Variants in HERC2 observed in about 807,000 individuals in gnomAD.
HERC2 encodes E3 ubiquitin-protein ligase HERC2.
Under a neutral mutation model 537.7 loss-of-function variants are expected in HERC2, and 102 were observed. The ratio of observed to expected loss-of-function variants is 0.19; its 90% CI spans 0.16 to 0.22. HERC2 has a LOEUF of 0.22. Among genes scored for constraint, HERC2 ranks in the 10% least tolerant of loss-of-function variants. The pLI is 1.00. For synonymous variants in HERC2, 2,224 were observed against 2,466.2 expected (o/e 0.90, Z 2.91); for missense variants, 4,236 against 6,198.2 (o/e 0.68, Z 10.63).
At chr15:28,226,782 A>T (rs1475239551) in intron 35 of HERC2, among the ~76,000 whole-genome samples, 4 of 152,250 alleles carry the variant, frequency 2.6e-5, no homozygotes, top group Non-Finnish European at 4.4e-5. Context: ...CTTCTCTATC[A>T]AAGGAAATAC....
Position 28,182,471 on chromosome 15 carries a change from G to A in HERC2, c.8867C>T (p.Thr2956Met), listed in dbSNP as rs200987196. 4.6e-5 allele frequency: 75 copies of A among 1,613,552 alleles called. No individual in the cohort carries two copies. The highest frequency in any genetic ancestry group is 4.6e-4 in the South Asian group (42 of 91,048). The change falls in exon 57 of 93, where the codon ACG becomes ATG. Residue 2956 changes from threonine (T) to methionine (M), a missense_variant. Around this residue, in one of 27 missense-constraint regions of HERC2, gnomAD observed 606 missense variants for 884.5 expected, o/e 0.69. Transcript: ENST00000261609. ...CCACACAAACACCTTGGTTCTTATC[G>A]TAGCTGCTGATTCCAGCCCAGCAGC... ...KKAAGLESAA[T>M]IRTKVFVWGL...
chr15:28,113,834 G>C lies in HERC2; in HGVS notation c.13914-156C>G. 1.5e-6 allele frequency: 1 copy of C among 653,166 alleles called. No individual in the cohort carries two copies. The highest frequency in any genetic ancestry group is 2.2e-5 in the Admixed American group (1 of 45,288). The allele number at this position is 653,166 out of a possible 1,614,324, so 40.5% of individuals were successfully genotyped here. A position where few individuals can be genotyped will look rare whatever the true frequency, so the allele number is the denominator to read the frequency against. The stretch of plus-strand genomic sequence containing the variant: ...ATGGCATGAGCATGCTTAGCAGCTC[G>C]GCACTGCAGAGCTTCTCCTGACACT... On this transcript the variant is annotated intron_variant, in intron 90 of 92. Coordinates refer to ENST00000261609, the MANE Select transcript of HERC2 (RefSeq NM_004667.6). This position sits in a 1 kb window ranked among gnomAD's most constrained non-coding sequence, Gnocchi z 7.0.
At chr15:28,285,288 T>C (rs1368849308) in intron 4 of HERC2, among the ~76,000 whole-genome samples, 5 of 152,132 alleles carry the variant, frequency 3.3e-5, no homozygotes, top group African/African-American at 1.2e-4. Flanking sequence ...TTAGAACATA[T>C]TCTGAGGCAT....
chr15:28,155,706 G>A (rs1191937998), intron 69 of HERC2, among the ~76,000 whole-genome samples: 3 of 152,054 alleles, frequency 2.0e-5, no homozygotes, highest in Admixed American at 6.6e-5. Context: ...CTCCCATTCT[G>A]TAGGTTGCCT....
intron 50 of HERC2, 100 bp from the exon 51 acceptor site, chr15:28,196,669 T>A (rs1414532895): frequency 1.5e-6 from 1 of 668,698 alleles, no homozygotes; most frequent in Non-Finnish European, 2.6e-6. Flanking sequence ...TTGTAGTTAT[T>A]TGTTTTTTAC....
chr15:28,300,921 T>C, intron 2 of HERC2, among the ~76,000 whole-genome samples: 1 of 138,662 alleles, frequency 7.2e-6, no homozygotes, highest in Non-Finnish European at 1.6e-5. Flanking sequence ...AAATTGGAAA[T>C]CTATGAACTT....
rs546146152 is a variant in HERC2 at position 28,313,421 on chromosome 15, C to T, written c.72+7941G>A. On this transcript the variant is annotated intron_variant, in intron 2 of 92. Coordinates refer to ENST00000261609, the MANE Select transcript of HERC2 (RefSeq NM_004667.6). ...GTCTCGACCTCCTGACCTTGTGATC[C>T]ACCCGCCTCGGCCTGGGATTACAGG... Among the ~76,000 whole-genome samples the T allele has an allele frequency of 2.3e-3, 343 of 152,290 alleles. 2 individuals carry two copies. The highest frequency in any genetic ancestry group is 0.01 in the Middle Eastern group (3 of 294).
At chr15:28,269,529 G>T in intron 10 of HERC2, 93 bp from the exon 11 acceptor site, 1 of 998,442 alleles carries the variant, frequency 1.0e-6, no homozygotes, top group Non-Finnish European at 1.5e-6. Flanking sequence ...TAAAAACAAA[G>T]CAAATAAAGA....
chr15:28,114,329 A>C (rs1039858892), intron 90 of HERC2, among the ~76,000 whole-genome samples: 1 of 152,220 alleles, frequency 6.6e-6, no homozygotes, highest in African/African-American at 2.4e-5. Context: ...GGAAGCCAAC[A>C]AAGAAAGCAC....
At chr15:28,293,265 G>A (rs2346039) in intron 3 of HERC2, among the ~76,000 whole-genome samples, 25 of 152,144 alleles carry the variant, frequency 1.6e-4, no homozygotes, top group African/African-American at 4.8e-4. Flanking sequence ...AAGCCATGGC[G>A]GGTGGATCAC....
chr15:28,247,246 T>A (rs1903794233), intron 21 of HERC2, among the ~76,000 whole-genome samples: 1 of 152,006 alleles, frequency 6.6e-6, no homozygotes. Context: ...TCCTCCTGCC[T>A]CAGCCTCCTG....
chr15:28,176,354 C>G lies in HERC2; in HGVS notation c.9686+74G>C. The G allele has an allele frequency of 6.9e-7, 1 of 1,447,734 alleles. No individual in the cohort carries two copies. Among genetic ancestry groups the G allele is most frequent in the Non-Finnish European group, 9.6e-7 (1 of 1,042,534 alleles). 89.7% of individuals were successfully genotyped at this position (1,447,734 alleles called of 1,614,324 possible). A position where few individuals can be genotyped will look rare whatever the true frequency, so the allele number is the denominator to read the frequency against. ...CACGTCACAATCACGCCGGGTGAGC[C>G]TGGGGCGAGGCCCAGGTTCCCTGCA... On this transcript the variant is annotated intron_variant, in intron 63 of 92. Transcript: ENST00000261609. This position sits in a 1 kb window ranked among gnomAD's most constrained non-coding sequence, Gnocchi z 5.0.
At chr15:28,250,879 A>ATT (rs1430551338) in intron 20 of HERC2, among the ~76,000 whole-genome samples, 1 of 152,110 alleles carries the variant, frequency 6.6e-6, no homozygotes, top group African/African-American at 2.4e-5. Context: ...CTGCGAATGC[A>ATT]TTTTTCTTTT....
rs150024899 is a variant in HERC2 at position 28,190,745 on chromosome 15, G to C, written c.8649+220C>G. The C allele has an allele frequency of 2.3e-4, 136 of 582,512 alleles. No individual in the cohort carries two copies. The African/African-American group carries it at 2.3e-3, about 10-fold the overall frequency. The allele number at this position is 582,512 out of a possible 1,614,324, so 36.1% of individuals were successfully genotyped here. On this transcript the variant is annotated intron_variant, in intron 55 of 92. Coordinates refer to ENST00000261609, the MANE Select transcript of HERC2 (RefSeq NM_004667.6). ...CCAAGTATACCTCTGCTACCAAAGA[G>C]AGTGAGAATGAAATTTGTTTCCTTT... is the stretch of plus-strand genomic sequence containing the variant.
At chr15:28,193,609 A>G (rs1897059370) in intron 52 of HERC2, among the ~76,000 whole-genome samples, 1 of 152,198 alleles carries the variant, frequency 6.6e-6, no homozygotes, top group Non-Finnish European at 1.5e-5. Flanking sequence ...ATCATGCCCC[A>G]GAAGCCCTAC....
intron 3 of HERC2, among the ~76,000 whole-genome samples, chr15:28,297,322 A>G (rs2076495587): frequency 6.6e-6 from 1 of 152,086 alleles, no homozygotes; most frequent in African/African-American, 2.4e-5. Flanking sequence ...CAGATATCCA[A>G]TAGTCAGCCA....
rs546894233 is a variant in HERC2 at position 28,285,124 on chromosome 15, T to C, written c.323-4837A>G. 2.6e-5 allele frequency among the ~76,000 whole-genome samples: 4 copies of C among 152,198 alleles called. No homozygotes were observed. The East Asian group carries it at 5.8e-4, about 22-fold the overall frequency. On this transcript the variant is annotated intron_variant, in intron 4 of 92. Coordinates refer to ENST00000261609, the MANE Select transcript of HERC2 (RefSeq NM_004667.6). ...AGTTGGAGACCTCAAAGTCTCTCTC[T>C]ACAGCTGATAAAATTAGAAGACAGA...
At chr15:28,289,013 G>A (rs912742134) in intron 4 of HERC2, among the ~76,000 whole-genome samples, 2 of 151,892 alleles carry the variant, frequency 1.3e-5, no homozygotes, top group Admixed American at 6.6e-5. Context: ...TCAGAAGCAG[G>A]AAGCTACAGT....
chr15:28,302,524 C>A (rs2076663730), intron 2 of HERC2, among the ~76,000 whole-genome samples: 1 of 115,104 alleles, frequency 8.7e-6, no homozygotes, highest in South Asian at 3.6e-4. Flanking sequence ...GGGTATATAC[C>A]TACCAGTGGG....
Sources: gnomAD v4.1 joint callset for allele counts (sites outside exome capture counted in the v4.1 genomes callset) on GRCh38, gnomAD v4.1.1 for gene constraint, gnomAD v4.1.1 regional missense constraint, Gnocchi (gnomAD v3.1) non-coding constraint, MANE v1.5 for transcripts, NCBI Gene and HGNC (gene_info 2026-07-23, HGNC 2026-07-21) for gene names.